ATXN2: variants seen among roughly 807,000 people sequenced by gnomAD.
ATXN2 encodes the protein ataxin 2.
ATXN2 carries 37 observed loss-of-function variants against 138.6 expected under a neutral mutation model. That is an observed-to-expected ratio of 0.27 (90% CI 0.21 to 0.35). ATXN2 has a LOEUF of 0.35. Ranked by LOEUF, ATXN2 falls within the 10% of genes least tolerant of loss-of-function variation. ATXN2 has a pLI of 1.00. For missense variants in ATXN2, 1,216 were observed against 1,480.3 expected (o/e 0.82, Z 2.93); for synonymous variants, 549 against 543.7 (o/e 1.01, Z -0.13).
chr12:111,471,053 T>G, intron 18 of ATXN2: 2 of 277,216 alleles, frequency 7.2e-6, no homozygotes, highest in Non-Finnish European at 1.4e-5. Context: ...TGTAACAGAC[T>G]CTCACAGCAT....
intron 1 of ATXN2, among the ~76,000 whole-genome samples, chr12:111,586,378 C>T (rs1395132971): frequency 6.7e-6 from 1 of 149,732 alleles, no homozygotes; most frequent in Non-Finnish European, 1.5e-5. Context: ...CCCGCCCAGC[C>T]CCAAGTCTGG....
intron 18 of ATXN2, 196 bp from the exon 19 acceptor site, chr12:111,470,938 C>T (rs942468685): frequency 3.4e-6 from 2 of 592,136 alleles, no homozygotes; most frequent in Non-Finnish European, 5.9e-6. Context: ...ACACCAGTTC[C>T]CAAATCCCAG....
intron 5 of ATXN2, among the ~76,000 whole-genome samples, chr12:111,528,667 A>T (rs1484419964): frequency 6.6e-6 from 1 of 152,214 alleles, no homozygotes; most frequent in Non-Finnish European, 1.5e-5. Flanking sequence ...TTCTATAAAG[A>T]ATGATATTCC....
At chr12:111,482,226 G>A (rs1877293509) in intron 18 of ATXN2, among the ~76,000 whole-genome samples, 1 of 129,604 alleles carries the variant, frequency 7.7e-6, no homozygotes, top group African/African-American at 3.0e-5. Context: ...ACGGAGTCTC[G>A]CTCTGTCACC....
Sources: allele counts gnomAD v4.1 joint callset (sites outside exome capture counted in the v4.1 genomes callset), GRCh38; gene constraint gnomAD v4.1.1; transcripts MANE v1.5; gene names NCBI Gene and HGNC (gene_info 2026-07-23, HGNC 2026-07-21).